UNC45B: variants seen among roughly 807,000 people sequenced by gnomAD.
The protein encoded by UNC45B is protein unc-45 homolog B.
In UNC45B, 78 loss-of-function variants were observed where a neutral mutation model predicts 98.7. That is an observed-to-expected ratio of 0.79 (90% CI 0.66 to 0.95). The LOEUF is 0.95. UNC45B is among the 40% of genes least tolerant of loss of function. UNC45B has a pLI of 0.00. For missense variants in UNC45B, 1,225 were observed against 1,184.9 expected, an observed-to-expected ratio of 1.03 and a Z score of -0.50; for synonymous variants, 462 against 480.4, an observed-to-expected ratio of 0.96 and a Z score of 0.50.
At chr17:35,154,497 T>A in intron 5 of UNC45B, 77 bp from the exon 6 acceptor site, 1 of 1,406,538 alleles carries the variant, frequency 7.1e-7, no homozygotes, top group South Asian at 1.4e-5. Flanking sequence ...GCACTGGCTC[T>A]TCTTGTACTT....
Position 35,155,276 on chromosome 17 carries a change from G to T in UNC45B, c.640-20G>T. On this transcript the variant is annotated intron_variant, in intron 6 of 19. Transcript: ENST00000394570. Reference sequence around the variant, plus strand: ...AGGGAGGGGCAAGGCAGCTGACCATGGTTCTTGCTGGGGTTCTAGGCCACA... The same window carrying T: ...AGGGAGGGGCAAGGCAGCTGACCATTGTTCTTGCTGGGGTTCTAGGCCACA... The T allele has an allele frequency of 6.2e-7, 1 of 1,611,616 alleles. No homozygotes were observed. The highest frequency in any genetic ancestry group is 8.5e-7 in the Non-Finnish European group (1 of 1,178,372).
chr17:35,157,347 C>G lies in UNC45B; in HGVS notation c.808+1883C>G, dbSNP rs533112232. 5.3e-5 allele frequency among the ~76,000 whole-genome samples: 8 copies of G among 152,164 alleles called. No individual in the cohort carries two copies. The South Asian group carries it at 1.7e-3, about 32-fold the overall frequency. Reference sequence around the variant, plus strand: ...CTCCACCTCCCGGGTTTAAGCGATTCTCCTGCCTCAGCCTCTGCTAATTTT... The same window carrying G: ...CTCCACCTCCCGGGTTTAAGCGATTGTCCTGCCTCAGCCTCTGCTAATTTT... On this transcript the variant is annotated intron_variant, in intron 7 of 19. Coordinates refer to ENST00000394570, the MANE Select transcript of UNC45B (RefSeq NM_001267052.2).
chr17:35,169,109 G>A (rs1018093041), intron 10 of UNC45B, among the ~76,000 whole-genome samples: 1 of 151,510 alleles, frequency 6.6e-6, no homozygotes, highest in African/African-American at 2.4e-5. Context: ...CCATGATCTC[G>A]GCTTACTGCA....
intron 7 of UNC45B, among the ~76,000 whole-genome samples, chr17:35,156,394 G>A (rs150828573): frequency 0.025 from 3,792 of 152,264 alleles, 153 homozygotes; most frequent in East Asian, 0.19. Flanking sequence ...TTGGGAGGCC[G>A]AGGTGGATGG....
Position 35,164,131 on chromosome 17 carries a change from C to G in UNC45B, c.1116C>G (p.Arg372=). 1 of 1,613,382 alleles carries G rather than the reference C, an allele frequency of 6.2e-7. No homozygotes were observed. The highest frequency in any genetic ancestry group is 8.5e-7 in the Non-Finnish European group (1 of 1,179,668). ...ATGACCTGCGCTGTGACCCGGAGCG[C>G]GATCACTTCCGCAAGATCTGTGAGG... ...LYDDLRCDPE[R]DHFRKICEEY... Residue 372 remains arginine, a synonymous_variant, in exon 9 of 20, where the codon CGC becomes CGG. Transcript: ENST00000394570.
At chr17:35,174,137 T>G (rs1048338300) in intron 13 of UNC45B, 105 bp from the exon 14 acceptor site, 12 of 1,506,628 alleles carry the variant, frequency 8.0e-6, no homozygotes, top group Non-Finnish European at 1.1e-5. Flanking sequence ...TGGAGGCCAT[T>G]ATTCAACCAA....
chr17:35,175,060 G>GAAAGAAAGAAAGAAAGAAAGAAAGA (rs1555578935), intron 14 of UNC45B, among the ~76,000 whole-genome samples: 1 of 110,058 alleles, frequency 9.1e-6, no homozygotes, highest in African/African-American at 3.4e-5. Context: ...AGAAAGGAAA[G>GAAAGAAAGAAAGAAAGAAAGAAAGA]AAGAAAGAAA....
intron 4 of UNC45B, 58 bp downstream of exon 4, chr17:35,150,281 T>C: frequency 6.4e-7 from 1 of 1,555,116 alleles, no homozygotes; most frequent in South Asian, 1.3e-5. Flanking sequence ...TCATTCCTAG[T>C]AGGAATGGGT....
chr17:35,155,274 A>G, intron 6 of UNC45B, 22 bp from the exon 7 acceptor site: 1 of 1,611,344 alleles, frequency 6.2e-7, no homozygotes, highest in Middle Eastern at 1.8e-4. Context: ...GCAGCTGACC[A>G]TGGTTCTTGC....
rs766179135 is a variant in UNC45B at position 35,186,384 on chromosome 17, A to T, written c.2615A>T (p.Asn872Ile). ...VQHRGLVIAY[N>I]LLAADAELAK... ...CACCGGGGCCTGGTCATTGCCTACA[A>T]CCTACTGGCAGCCGATGCTGAGCTG... The change falls in exon 20 of 20, where the codon AAC (asparagine) becomes ATC (isoleucine). Residue 872 changes from asparagine to isoleucine, a missense_variant. Coordinates refer to ENST00000394570, the MANE Select transcript of UNC45B (RefSeq NM_001267052.2). 1 of 1,614,132 alleles carries T rather than the reference A, an allele frequency of 6.2e-7. No homozygotes were observed. The highest frequency in any genetic ancestry group is 1.7e-5 in the Admixed American group (1 of 60,014).
intron 2 of UNC45B, 60 bp from the exon 3 acceptor site, chr17:35,148,913 T>C: frequency 6.2e-7 from 1 of 1,605,788 alleles, no homozygotes; most frequent in South Asian, 1.1e-5. Context: ...GGACACTCTC[T>C]GGCCATCTCT....
intron 19 of UNC45B, among the ~76,000 whole-genome samples, chr17:35,184,068 A>C (rs2092289587): frequency 6.6e-6 from 1 of 152,226 alleles, no homozygotes; most frequent in South Asian, 2.1e-4. Context: ...GTGCACAATG[A>C]AACTTTCCTT....
At chr17:35,170,398 G>A in intron 12 of UNC45B, 143 bp downstream of exon 12, 2 of 1,083,060 alleles carry the variant, frequency 1.8e-6, no homozygotes, top group South Asian at 2.4e-5. Context: ...CCCCTTTCTG[G>A]CCCTCATTTT....
intron 15 of UNC45B, 38 bp from the exon 16 acceptor site, chr17:35,176,979 T>C: frequency 6.5e-7 from 1 of 1,544,416 alleles, no homozygotes; most frequent in Non-Finnish European, 8.9e-7. Context: ...AGCCTCTGGA[T>C]GTCTGTGACT....
chr17:35,155,288 G>C lies in UNC45B; in HGVS notation c.640-8G>C, dbSNP rs752900797. 1.9e-6 allele frequency: 3 copies of C among 1,612,656 alleles called. No homozygotes were observed. In the African/African-American group the frequency reaches 4.0e-5, roughly 22 times the overall value. On this transcript the variant is annotated splice_polypyrimidine_tract_variant and splice_region_variant and intron_variant, in intron 6 of 19. Coordinates refer to ENST00000394570, the MANE Select transcript of UNC45B (RefSeq NM_001267052.2). ...GGCAGCTGACCATGGTTCTTGCTGG[G>C]GTTCTAGGCCACAGTGATTCTGCAT... is the stretch of plus-strand genomic sequence containing the variant.
Position 35,174,332 on chromosome 17 carries a change from G to C in UNC45B, c.1921G>C (p.Ala641Pro). ...ALACMVKADSAILTDQTKELL... is the reference protein window; with the variant it reads ...ALACMVKADSPILTDQTKELL... ...GGCTTGCATGGTGAAAGCAGATAGT[G>C]CCATCCTCACTGACCAGACCAAGGA... The change falls in exon 14 of 20, where the codon GCC becomes CCC. Residue 641 changes from alanine (A) to proline (P), a missense_variant. Transcript: ENST00000394570. 2 of 1,614,182 alleles carry C rather than the reference G, an allele frequency of 1.2e-6. No homozygotes were observed. Among genetic ancestry groups the C allele is most frequent in the Non-Finnish European group, 1.7e-6 (2 of 1,180,026 alleles).
At chr17:35,175,042 GGAAA>G (rs978347335) in intron 14 of UNC45B, among the ~76,000 whole-genome samples, 9 of 48,656 alleles carry the variant, frequency 1.8e-4, no homozygotes, top group African/African-American at 1.1e-3. Context: ...GAGGAAAGAA[GGAAA>G]GAAAGAAAGG....
At chr17:35,152,397 G>T (rs1490527953) in intron 4 of UNC45B, among the ~76,000 whole-genome samples, 1 of 152,202 alleles carries the variant, frequency 6.6e-6, no homozygotes, top group Non-Finnish European at 1.5e-5. Context: ...CAGGGCAGTG[G>T]GGTTGGAGTG....
rs781564548 is a variant in UNC45B, at chr17:35,155,418, G to T, written c.762G>T (p.Gly254=). ...LLQAIIDSLS[G]EDKREHRGKE... ...AAGCCATCATTGACTCCTTGTCTGG[G>T]GAGGACAAGCGGGAGCATCGAGGGA... Residue 254 remains glycine, a synonymous_variant, in exon 7 of 20, where the codon GGG becomes GGT. Coordinates refer to ENST00000394570, the MANE Select transcript of UNC45B (RefSeq NM_001267052.2). 4 of 1,614,200 alleles carry T rather than the reference G, an allele frequency of 2.5e-6. No homozygotes were observed. The South Asian group carries it at 4.4e-5, about 18-fold the overall frequency.
Sources: gnomAD v4.1 joint callset for allele counts (sites outside exome capture counted in the v4.1 genomes callset) on GRCh38, gnomAD v4.1.1 for gene constraint, MANE v1.5 for transcripts, NCBI Gene and HGNC (gene_info 2026-07-23, HGNC 2026-07-21) for gene names.